ADAM9: variants seen among roughly 807,000 people sequenced by gnomAD.
ADAM9 encodes the protein disintegrin and metalloproteinase domain-containing protein 9.
ADAM9 carries 54 observed loss-of-function variants against 108.1 expected under a neutral mutation model. The ratio of observed to expected loss-of-function variants is 0.50; its 90% CI spans 0.40 to 0.63. The LOEUF is 0.63. ADAM9 is among the 20% of genes least tolerant of loss of function. The pLI, the probability that ADAM9 is intolerant of heterozygous loss-of-function variation, is 0.00. For missense variants in ADAM9, 830 were observed against 997.7 expected (o/e 0.83, Z 2.26); for synonymous variants, 316 against 336.0 (o/e 0.94, Z 0.65).
Position 39,045,163 on chromosome 8 carries a change from C to CATATGTGT in ADAM9, c.1302+3050_1302+3051insGTGTATAT, listed in dbSNP as rs1564298233. On this transcript the variant is annotated intron_variant, in intron 12 of 21. Transcript: ENST00000487273. ...ATATGTGTATATATGTGTATACATACATATATGTGTATATATGTGTATACA... is the reference window on the plus strand; with the variant it reads ...ATATGTGTATATATGTGTATACATACATATGTGTATATATGTGTATATATGTGTATACA... Among the ~76,000 whole-genome samples the CATATGTGT allele has an allele frequency of 1.3e-4, 12 of 89,812 alleles. 1 individual carries two copies. Among genetic ancestry groups the CATATGTGT allele is most frequent in the African/African-American group, 2.6e-4 (6 of 23,060 alleles). 58.9% of individuals were successfully genotyped at this position (89,812 alleles called of 152,430 possible).
chr8:39,061,896 C>T (rs1323973847), intron 14 of ADAM9, among the ~76,000 whole-genome samples: 1 of 152,130 alleles, frequency 6.6e-6, no homozygotes, highest in Non-Finnish European at 1.5e-5. Flanking sequence ...TCTGGCTGCT[C>T]TAACAAGATA....
chr8:39,079,379 T>A (rs7013869), intron 16 of ADAM9, among the ~76,000 whole-genome samples: 13,244 of 152,144 alleles, frequency 0.087, 924 homozygotes, highest in African/African-American at 0.19. Context: ...AGTGCTGGGA[T>A]TACAGGTGTG....
intron 10 of ADAM9, 68 bp from the exon 11 acceptor site, chr8:39,026,609 A>G (rs1370584911): frequency 1.9e-6 from 3 of 1,607,742 alleles, no homozygotes; most frequent in Non-Finnish European, 2.6e-6. Flanking sequence ...TTGTGAAAAA[A>G]TAATCTGAGC....
chr8:39,065,800 G>C (rs144769642), intron 14 of ADAM9, among the ~76,000 whole-genome samples: 1 of 151,132 alleles, frequency 6.6e-6, no homozygotes, highest in Non-Finnish European at 1.5e-5. Context: ...TGTGCACAAC[G>C]TGCAGGTTTG....
chr8:39,051,901 T>C (rs1157592152), intron 12 of ADAM9, among the ~76,000 whole-genome samples: 1 of 152,164 alleles, frequency 6.6e-6, no homozygotes, highest in Non-Finnish European at 1.5e-5. Context: ...GCCGTATACA[T>C]CCTTGTACAC....
chr8:39,016,888 G>A (rs1396646352), intron 5 of ADAM9: 10 of 341,958 alleles, frequency 2.9e-5, no homozygotes, highest in Non-Finnish European at 4.4e-5. Context: ...TGAGAGTCCT[G>A]CAGCTAGTAG....
At chr8:39,041,668 C>A (rs528443292) in intron 11 of ADAM9, among the ~76,000 whole-genome samples, 6 of 152,236 alleles carry the variant, frequency 3.9e-5, no homozygotes, top group South Asian at 2.1e-4. Flanking sequence ...TCTTCTGATG[C>A]TGAGAATTAT....
chr8:39,009,350 G>C (rs1381212379), intron 2 of ADAM9, among the ~76,000 whole-genome samples: 1 of 152,082 alleles, frequency 6.6e-6, no homozygotes, highest in Non-Finnish European at 1.5e-5. Flanking sequence ...AGTGATTCTC[G>C]TGCCTCTGCC....
Position 39,090,185 on chromosome 8 carries a change from A to C in ADAM9, c.2207A>C (p.Tyr736Ser). The C allele has an allele frequency of 1.9e-6, 3 of 1,612,510 alleles. No individual in the cohort carries two copies. Among genetic ancestry groups the C allele is most frequent in the Non-Finnish European group, 2.5e-6 (3 of 1,179,142 alleles). ...TTCAGAAAGAAGAGATCACAAACAT[A>C]TGAGTACTTAGATTTTTTTCTTTTA... is the stretch of plus-strand genomic sequence containing the variant. ...SYFRKKRSQT[Y>S]ESDGKNQANP... The change falls in exon 19 of 22, where the codon TAT (tyrosine) becomes TCT (serine). Residue 736 changes from tyrosine to serine, a missense_variant. By Grantham distance (144) the Tyr-to-Ser change is moderately radical. Coordinates refer to ENST00000487273, the MANE Select transcript of ADAM9 (RefSeq NM_003816.3).
chr8:39,062,444 A>G (rs1838327933), intron 14 of ADAM9, among the ~76,000 whole-genome samples: 1 of 152,268 alleles, frequency 6.6e-6, no homozygotes, highest in East Asian at 1.9e-4. Context: ...GTACAGGTCA[A>G]GTAAGACTAT....
At chr8:39,002,805 A>G (rs545210960) in intron 1 of ADAM9, among the ~76,000 whole-genome samples, 138 of 152,228 alleles carry the variant, frequency 9.1e-4, no homozygotes, top group African/African-American at 3.3e-3. Flanking sequence ...TTCATGTTTC[A>G]GTGGTTCACG....
chr8:39,084,168 T>G (rs1839108821), intron 18 of ADAM9, among the ~76,000 whole-genome samples: 1 of 152,176 alleles, frequency 6.6e-6, no homozygotes, highest in African/African-American at 2.4e-5. Context: ...TTTTCCAGTT[T>G]TTAATGGATT....
Position 39,104,714 on chromosome 8 carries a change from G to C in ADAM9, c.*1014G>C, listed in dbSNP as rs1197446678. ...GACACTAATATTTTCATAGAAATTA[G>C]GCTGGAGAAAGAAGGAAGAAATGGT... On this transcript the variant is annotated 3_prime_UTR_variant, in exon 22 of 22. Coordinates refer to ENST00000487273, the MANE Select transcript of ADAM9 (RefSeq NM_003816.3). 2.2e-6 allele frequency: 1 copy of C among 453,770 alleles called. No individual in the cohort carries two copies. The highest frequency in any genetic ancestry group is 4.4e-6 in the Non-Finnish European group (1 of 226,616). The allele number at this position is 453,770 out of a possible 1,614,324, so 28.1% of individuals were successfully genotyped here.
chr8:39,022,499 T>C (rs1345543336), intron 8 of ADAM9, among the ~76,000 whole-genome samples: 2 of 152,216 alleles, frequency 1.3e-5, no homozygotes, highest in Non-Finnish European at 2.9e-5. Context: ...TTGATATTTC[T>C]GCAGTGAAAT....
chr8:39,066,873 G>T (rs1413906334), intron 14 of ADAM9, among the ~76,000 whole-genome samples: 2 of 152,090 alleles, frequency 1.3e-5, no homozygotes, highest in East Asian at 1.9e-4. Context: ...TCTAGGGTTT[G>T]TATGATTTTG....
intron 14 of ADAM9, among the ~76,000 whole-genome samples, chr8:39,064,668 C>T (rs1039927902): frequency 4.6e-5 from 7 of 152,200 alleles, no homozygotes; most frequent in African/African-American, 1.7e-4. Context: ...CTCCTGTTTG[C>T]ATTTCCCATA....
At chr8:39,073,483 T>C (rs1217207850) in intron 15 of ADAM9, among the ~76,000 whole-genome samples, 2 of 152,214 alleles carry the variant, frequency 1.3e-5, no homozygotes, top group East Asian at 3.8e-4. Context: ...TATGTAGCTC[T>C]TTTGTTATCG....
intron 1 of ADAM9, among the ~76,000 whole-genome samples, chr8:39,003,494 A>AT (rs1836067555): frequency 6.6e-6 from 1 of 151,610 alleles, no homozygotes; most frequent in South Asian, 2.1e-4. Context: ...TTAAAAAAAA[A>AT]AAAAACAACT....
chr8:39,070,380 A>G lies in ADAM9; in HGVS notation c.1592-918A>G, dbSNP rs546363866. Among the ~76,000 whole-genome samples the G allele has an allele frequency of 7.2e-5, 11 of 152,254 alleles. No homozygotes were observed. In the East Asian group the frequency reaches 1.7e-3, roughly 24 times the overall value. On this transcript the variant is annotated intron_variant, in intron 14 of 21. Transcript: ENST00000487273. Reference sequence around the variant, plus strand: ...TCCAGAAGCAGGATTCCTGTATTAAAGGCTTCTAAGACATTTCCACATAAT... The same window carrying G: ...TCCAGAAGCAGGATTCCTGTATTAAGGGCTTCTAAGACATTTCCACATAAT...
Sources: allele counts gnomAD v4.1 joint callset (sites outside exome capture counted in the v4.1 genomes callset), GRCh38; gene constraint gnomAD v4.1.1; transcripts MANE v1.5; gene names NCBI Gene and HGNC (gene_info 2026-07-23, HGNC 2026-07-21).